The following KLHL18 variants were observed in gnomAD, a reference collection of about 807,000 sequenced individuals.
KLHL18 encodes kelch-like protein 18.
In KLHL18, 38 loss-of-function variants were observed where a neutral mutation model predicts 58.5. The observed-to-expected ratio is 0.65, with a 90% CI of 0.50 to 0.85. The LOEUF (loss-of-function observed/expected upper bound fraction) is 0.85. KLHL18 is among the 40% of genes least tolerant of loss of function. KLHL18 has a pLI of 0.00. For missense variants in KLHL18, 624 were observed against 778.4 expected, an observed-to-expected ratio of 0.80 and a Z score of 2.36; for synonymous variants, 303 against 301.9, an observed-to-expected ratio of 1.00 and a Z score of -0.04.
Position 47,336,620 on chromosome 3 carries a change from C to T in KLHL18, c.984C>T (p.Arg328=), listed in dbSNP as rs866909160. 6.8e-6 allele frequency: 11 copies of T among 1,614,114 alleles called. No individual in the cohort carries two copies. Among genetic ancestry groups the T allele is most frequent in the African/African-American group, 5.3e-5 (4 of 74,934 alleles). ...GTCCCATGACAACAGCCCGCAGCCGCGTTGGCGTGGCTGTGGTGAACGGGC... is the reference window on the plus strand; with the variant it reads ...GTCCCATGACAACAGCCCGCAGCCGTGTTGGCGTGGCTGTGGTGAACGGGC... ...RCRPMTTARS[R]VGVAVVNGLL... The change falls in exon 7 of 10, where the codon CGC becomes CGT. Residue 328 remains arginine, a synonymous_variant. Transcript: ENST00000232766.
chr3:47,301,409 G>A (rs1703022344), intron 1 of KLHL18, among the ~76,000 whole-genome samples: 1 of 152,062 alleles, frequency 6.6e-6, no homozygotes, highest in African/African-American at 2.4e-5. Flanking sequence ...CCAGTGTGAG[G>A]TATAGGTTGA....
At chr3:47,308,240 G>C (rs542965570) in intron 1 of KLHL18, among the ~76,000 whole-genome samples, 1 of 151,674 alleles carries the variant, frequency 6.6e-6, no homozygotes. Flanking sequence ...CTGGGTGCAG[G>C]CATTTATTTT....
intron 1 of KLHL18, among the ~76,000 whole-genome samples, chr3:47,300,077 A>G (rs2107593560): frequency 1.4e-5 from 2 of 145,682 alleles, no homozygotes; most frequent in East Asian, 2.0e-4. Flanking sequence ...TCTCTTTCTC[A>G]CTCCCTGTCC....
At chr3:47,327,444 A>G (rs997740431) in intron 3 of KLHL18, among the ~76,000 whole-genome samples, 1 of 152,252 alleles carries the variant, frequency 6.6e-6, no homozygotes, top group Non-Finnish European at 1.5e-5. Context: ...TCCTCCTCTC[A>G]GGTTGATGTC....
At chr3:47,299,027 A>G (rs1342455062) in intron 1 of KLHL18, among the ~76,000 whole-genome samples, 1 of 152,206 alleles carries the variant, frequency 6.6e-6, no homozygotes, top group Non-Finnish European at 1.5e-5. Flanking sequence ...ACTTGTTTCC[A>G]TTTCTCTGTA....
At chr3:47,317,320 G>T (rs1703478675) in intron 1 of KLHL18, among the ~76,000 whole-genome samples, 1 of 152,074 alleles carries the variant, frequency 6.6e-6, no homozygotes, top group African/African-American at 2.4e-5. Context: ...CACCATGTTG[G>T]CCAGGCTGGT....
chr3:47,321,357 T>G (rs1038721478), intron 2 of KLHL18, among the ~76,000 whole-genome samples: 1 of 151,442 alleles, frequency 6.6e-6, no homozygotes, highest in African/African-American at 2.4e-5. Flanking sequence ...TTTTGTTTTT[T>G]TTTTTTTGAG....
At chr3:47,292,832 G>A (rs1267720654) in intron 1 of KLHL18, among the ~76,000 whole-genome samples, 1 of 151,376 alleles carries the variant, frequency 6.6e-6, no homozygotes, top group African/African-American at 2.4e-5. Context: ...CCTGAGCCCC[G>A]GGAGGTCAAG....
chr3:47,309,173 T>C (rs925293480), intron 1 of KLHL18, among the ~76,000 whole-genome samples: 3 of 152,218 alleles, frequency 2.0e-5, no homozygotes, highest in Admixed American at 2.0e-4. Context: ...TACTTCTTTC[T>C]ACACAGACAC....
chr3:47,294,406 G>C (rs1254500499), intron 1 of KLHL18, among the ~76,000 whole-genome samples: 2 of 152,180 alleles, frequency 1.3e-5, no homozygotes, highest in East Asian at 3.9e-4. Flanking sequence ...ACAGATGGAA[G>C]ATGTCCAGTG....
chr3:47,299,556 G>A (rs1702968023), intron 1 of KLHL18, among the ~76,000 whole-genome samples: 1 of 151,806 alleles, frequency 6.6e-6, no homozygotes, highest in Admixed American at 6.6e-5. Flanking sequence ...TGGGCGCAGT[G>A]GCTCACTCCT....
At chr3:47,298,204 AC>A (rs1242405912) in intron 1 of KLHL18, among the ~76,000 whole-genome samples, 2 of 151,902 alleles carry the variant, frequency 1.3e-5, no homozygotes, top group African/African-American at 4.8e-5. Flanking sequence ...ACAAAGTGAG[AC>A]CCCATCTCTA....
intron 6 of KLHL18, 69 bp from the exon 7 acceptor site, chr3:47,336,466 A>T (rs1020833627): frequency 9.0e-6 from 12 of 1,335,328 alleles, no homozygotes; most frequent in African/African-American, 1.4e-5. Flanking sequence ...CATATAATCA[A>T]TGCCCAATAG....
intron 1 of KLHL18, among the ~76,000 whole-genome samples, chr3:47,313,974 A>G (rs1444592457): frequency 1.3e-5 from 2 of 152,264 alleles, no homozygotes; most frequent in African/African-American, 4.8e-5. Flanking sequence ...GGTACCTGGC[A>G]TAGTCAGTGG....
In KLHL18 at chr3:47,330,045, C is replaced by G. The variant is rs762406410; in HGVS notation, c.496C>G (p.His166Asp). 1.2e-5 allele frequency: 20 copies of G among 1,614,104 alleles called. No individual in the cohort carries two copies. The South Asian group carries it at 2.2e-4, about 18-fold the overall frequency. ...YDAANSFIHQ[H>D]FVEVSMSEEF... ...CGCTGCCAACAGCTTCATCCACCAGCACTTTGTGGAGGTGTCCATGTCAGA... is the reference window on the plus strand; with the variant it reads ...CGCTGCCAACAGCTTCATCCACCAGGACTTTGTGGAGGTGTCCATGTCAGA... The change falls in exon 4 of 10, where the codon CAC (histidine) becomes GAC (aspartate). Residue 166 changes from histidine (H) to aspartate (D), a missense_variant. By Grantham distance (81) the His-to-Asp change is moderately conservative. Transcript: ENST00000232766.
Position 47,334,190 on chromosome 3 carries a change from G to C in KLHL18, c.762-493G>C, listed in dbSNP as rs542369626. The stretch of plus-strand genomic sequence containing the variant: ...TGAGGAGTTTGGACTTTATTCTGTC[G>C]GCAGTGGGTGGCTATTGAAGGTTCT... On this transcript the variant is annotated intron_variant, in intron 5 of 9. Coordinates refer to ENST00000232766, the MANE Select transcript of KLHL18 (RefSeq NM_025010.5). The surrounding 1 kb of genome is among the most constrained non-coding windows in gnomAD (Gnocchi z 4.7). Among the ~76,000 whole-genome samples, 1 of 152,128 alleles carries C rather than the reference G, an allele frequency of 6.6e-6. No individual in the cohort carries two copies. Among genetic ancestry groups the C allele is most frequent in the Non-Finnish European group, 1.5e-5 (1 of 68,024 alleles).
At chr3:47,292,413 G>A (rs1254929356) in intron 1 of KLHL18, among the ~76,000 whole-genome samples, 1 of 151,616 alleles carries the variant, frequency 6.6e-6, no homozygotes, top group Non-Finnish European at 1.5e-5. Context: ...GGCAGAGGTT[G>A]CAGTGAGCCG....
chr3:47,337,950 G>A (rs1036453744), intron 7 of KLHL18: 3 of 152,182 alleles, frequency 2.0e-5, no homozygotes, highest in Admixed American at 2.0e-4. Flanking sequence ...TGATGTTACT[G>A]GGTTTAGAGG....
chr3:47,314,648 T>G (rs138003885), intron 1 of KLHL18, among the ~76,000 whole-genome samples: 211 of 152,320 alleles, frequency 1.4e-3, no homozygotes, highest in African/African-American at 4.5e-3. Context: ...CTCTTATTCT[T>G]TATGATAAAA....
Sources: gnomAD v4.1 joint callset for allele counts (sites outside exome capture counted in the v4.1 genomes callset) on GRCh38, gnomAD v4.1.1 for gene constraint, Gnocchi (gnomAD v3.1) non-coding constraint, MANE v1.5 for transcripts, NCBI Gene and HGNC (gene_info 2026-07-23, HGNC 2026-07-21) for gene names.